Variants in MYSM1 observed in about 807,000 individuals in gnomAD.
MYSM1 encodes the protein Myb like, SWIRM and MPN domains 1, also known as deubiquitinase MYSM1.
In MYSM1, 51 loss-of-function variants were observed where a neutral mutation model predicts 116.0. The observed-to-expected ratio is 0.44, with a 90% confidence interval of 0.35 to 0.56. The LOEUF is 0.56. MYSM1 is among the 20% of genes least tolerant of loss of function. The pLI, the probability that MYSM1 is intolerant of heterozygous loss-of-function variation, is 0.00. For missense variants in MYSM1, 900 were observed against 974.9 expected (o/e 0.92, Z 1.02); for synonymous variants, 313 against 315.2 (o/e 0.99, Z 0.07).
rs376959856 is a variant in MYSM1 at position 58,689,952 on chromosome 1, G to C, written c.320+274C>G. On this transcript the variant is annotated intron_variant, in intron 5 of 19. Coordinates refer to ENST00000472487, the MANE Select transcript of MYSM1 (RefSeq NM_001085487.3). ...GTCAATTCCAATATATCACATAACA[G>C]CTTCTCAAAATTTCCCCATAAACCC... Among the ~76,000 whole-genome samples, 79 of 152,142 alleles carry C rather than the reference G, an allele frequency of 5.2e-4. 2 individuals carry two copies. In the South Asian group the frequency reaches 0.015, roughly 29 times the overall value.
chr1:58,695,052 TA>T (rs66629118), intron 2 of MYSM1, 76 bp downstream of exon 2: 297,353 of 647,054 alleles, frequency 0.46, 42,976 homozygotes, highest in Admixed American at 0.51. Context: ...GCACTAAGTT[TA>T]AAAAAAAAAA....
At chr1:58,677,371 A>T (rs1260040481) in intron 8 of MYSM1, among the ~76,000 whole-genome samples, 4 of 152,152 alleles carry the variant, frequency 2.6e-5, no homozygotes, top group African/African-American at 9.6e-5. Context: ...TGAATCTTTA[A>T]ATACAAAGAG....
chr1:58,697,284 T>C (rs1257155745), intron 1 of MYSM1, among the ~76,000 whole-genome samples: 1 of 152,068 alleles, frequency 6.6e-6, no homozygotes, highest in East Asian at 1.9e-4. Context: ...AAGGTGAAAC[T>C]GAGGTGCTTG....
chr1:58,684,029 G>A (rs35423837), intron 7 of MYSM1, among the ~76,000 whole-genome samples: 1,780 of 152,190 alleles, frequency 0.012, 19 homozygotes, highest in Non-Finnish European at 0.019. Context: ...ATTCTGTTCT[G>A]AGGTATTAAC....
intron 8 of MYSM1, among the ~76,000 whole-genome samples, chr1:58,680,901 A>C (rs931088205): frequency 1.4e-4 from 21 of 151,706 alleles, no homozygotes; most frequent in Non-Finnish European, 3.1e-4. Context: ...GGCTCACTGC[A>C]ACCTCTGCCT....
intron 12 of MYSM1, among the ~76,000 whole-genome samples, chr1:58,670,257 G>A (rs2100612406): frequency 6.6e-6 from 1 of 152,300 alleles, no homozygotes; most frequent in Middle Eastern, 3.4e-3. Context: ...GGCCAAGATA[G>A]ATGAGAAAAT....
Position 58,696,806 on chromosome 1 carries a change from T to C in MYSM1, c.69-1599A>G, listed in dbSNP as rs543867101. On this transcript the variant is annotated intron_variant, in intron 1 of 19. Coordinates refer to ENST00000472487, the MANE Select transcript of MYSM1 (RefSeq NM_001085487.3). ...CTGTTGTATATCAGTGCATGGCATG[T>C]AGAAGGTACTCAATAAAAATTTGTT... 2.3e-3 allele frequency among the ~76,000 whole-genome samples: 356 copies of C among 152,304 alleles called. 1 individual carries two copies. The highest frequency in any genetic ancestry group is 8.3e-3 in the African/African-American group (343 of 41,566).
At chr1:58,691,174 G>C (rs1038384149) in intron 3 of MYSM1, among the ~76,000 whole-genome samples, 1 of 149,932 alleles carries the variant, frequency 6.7e-6, no homozygotes, top group Non-Finnish European at 1.5e-5. Flanking sequence ...CAGCTACTCA[G>C]AAGGCTGAGG....
chr1:58,680,026 CAAA>C (rs6143231), intron 8 of MYSM1, among the ~76,000 whole-genome samples: 1 of 126,908 alleles, frequency 7.9e-6, no homozygotes, highest in Non-Finnish European at 1.7e-5. Flanking sequence ...GACTCTGTCT[CAAA>C]AAAAAAAAAA....
At chr1:58,660,424 G>A (rs895551964) in intron 19 of MYSM1, among the ~76,000 whole-genome samples, 2 of 151,920 alleles carry the variant, frequency 1.3e-5, no homozygotes, top group Non-Finnish European at 2.9e-5. Flanking sequence ...TTTCTACTTC[G>A]GACGTATTTG....
At chr1:58,690,198 T>C (rs1425299219) in intron 5 of MYSM1, 28 bp downstream of exon 5, 4 of 1,465,928 alleles carry the variant, frequency 2.7e-6, no homozygotes, top group Non-Finnish European at 3.6e-6. Context: ...TGAAAACAGA[T>C]TTATAAATAT....
At chr1:58,685,092 C>T in intron 7 of MYSM1, 61 bp downstream of exon 7, 1 of 1,353,772 alleles carries the variant, frequency 7.4e-7, no homozygotes, top group Non-Finnish European at 1.0e-6. Flanking sequence ...TAAAGAAATA[C>T]TTCTGCTTAG....
intron 1 of MYSM1, chr1:58,699,603 A>G (rs1176789117): frequency 2.0e-6 from 2 of 982,436 alleles, no homozygotes; most frequent in African/African-American, 1.7e-5. Context: ...CTAGCAAGCC[A>G]TAGAACAAGA....
chr1:58,685,078 G>T, intron 7 of MYSM1, 75 bp downstream of exon 7: 1 of 1,234,854 alleles, frequency 8.1e-7, no homozygotes, highest in Non-Finnish European at 1.1e-6. Context: ...TTTAATGCCT[G>T]AATTAAAGAA....
At chr1:58,669,281 T>C (rs1363798369) in intron 12 of MYSM1, among the ~76,000 whole-genome samples, 1 of 151,542 alleles carries the variant, frequency 6.6e-6, no homozygotes, top group Non-Finnish European at 1.5e-5. Flanking sequence ...CCTTTAACAC[T>C]CAAAGAGGAC....
intron 10 of MYSM1, 34 bp downstream of exon 10, chr1:58,675,443 T>C (rs372469299): frequency 3.3e-5 from 49 of 1,470,980 alleles, no homozygotes; most frequent in Non-Finnish European, 4.3e-5. Context: ...TAAGCAGCAA[T>C]GTGGAGAGAT....
chr1:58,665,926 A>G (rs1396176921), intron 16 of MYSM1, among the ~76,000 whole-genome samples: 1 of 152,050 alleles, frequency 6.6e-6, no homozygotes, highest in East Asian at 1.9e-4. Context: ...GTGTAGTGGC[A>G]CGTGCCTGTA....
chr1:58,677,205 A>T, intron 8 of MYSM1, 149 bp from the exon 9 acceptor site: 1 of 519,102 alleles, frequency 1.9e-6, no homozygotes, highest in Non-Finnish European at 3.2e-6. Flanking sequence ...AATACATAAT[A>T]CCCATGTACT....
chr1:58,678,729 T>G (rs986041010), intron 8 of MYSM1, among the ~76,000 whole-genome samples: 1 of 152,130 alleles, frequency 6.6e-6, no homozygotes, highest in East Asian at 1.9e-4. Flanking sequence ...GGAGGAGATA[T>G]GTGAGATATT....
Sources: allele counts gnomAD v4.1 joint callset (sites outside exome capture counted in the v4.1 genomes callset), GRCh38; gene constraint gnomAD v4.1.1; transcripts MANE v1.5; gene names NCBI Gene and HGNC (gene_info 2026-07-23, HGNC 2026-07-21).